EIF3K: variants seen among roughly 807,000 people sequenced by gnomAD.
EIF3K encodes the protein eukaryotic translation initiation factor 3 subunit K.
EIF3K carries 27 observed loss-of-function variants against 34.2 expected under a neutral mutation model. The ratio of observed to expected loss-of-function variants is 0.79; its 90% confidence interval spans 0.58 to 1.09. The LOEUF is 1.09. Ranked by LOEUF, EIF3K falls within the 50% of genes least tolerant of loss-of-function variation. EIF3K has a pLI of 0.00. For synonymous variants in EIF3K, 105 were observed against 105.7 expected (o/e 0.99, Z 0.04); for missense variants, 232 against 275.4 (o/e 0.84, Z 1.11).
intron 7 of EIF3K, among the ~76,000 whole-genome samples, chr19:38,636,457 T>G (rs1976194444): frequency 6.6e-6 from 1 of 152,162 alleles, no homozygotes; most frequent in Non-Finnish European, 1.5e-5. Flanking sequence ...CACTACAGCC[T>G]GGGCAACAGA....
chr19:38,630,355 T>TTATTTA (rs1407584925), intron 4 of EIF3K, among the ~76,000 whole-genome samples: 11 of 148,600 alleles, frequency 7.4e-5, no homozygotes, highest in African/African-American at 2.0e-4. Flanking sequence ...TTATTTTTTT[T>TTATTTA]TTTTTTTGAG....
Position 38,631,269 on chromosome 19 carries a change from C to T in EIF3K, c.355-1161C>T, listed in dbSNP as rs148256940. Among the ~76,000 whole-genome samples, 625 of 152,208 alleles carry T rather than the reference C, an allele frequency of 4.1e-3. 3 individuals are homozygous for T. The highest frequency in any genetic ancestry group is 0.014 in the African/African-American group (599 of 41,520). ...GGCCCAGGGGACCGCGTTCAGCACA[C>T]GGAGGATCCCACCGGCCTCTGAGTT... On this transcript the variant is annotated intron_variant, in intron 4 of 7. Transcript: ENST00000248342.
chr19:38,620,567 C>A, intron 2 of EIF3K, 132 bp downstream of exon 2: 1 of 803,090 alleles, frequency 1.2e-6, no homozygotes, highest in Non-Finnish European at 2.0e-6. Flanking sequence ...ACTAGGAAGC[C>A]AAGGAAGTTG....
At chr19:38,630,499 C>G (rs1161156639) in intron 4 of EIF3K, among the ~76,000 whole-genome samples, 1 of 151,880 alleles carries the variant, frequency 6.6e-6, no homozygotes, top group East Asian at 1.9e-4. Flanking sequence ...CACATGCCAC[C>G]ACACCTGGCT....
Position 38,632,453 on chromosome 19 carries a change from C to T in EIF3K, c.378C>T (p.Asp126=). The T allele has an allele frequency of 6.2e-7, 1 of 1,614,108 alleles. No individual in the cohort carries two copies. Among genetic ancestry groups the T allele is most frequent in the Middle Eastern group, 1.6e-4 (1 of 6,062 alleles). The change falls in exon 5 of 8, where the codon GAC becomes GAT. Residue 126 remains aspartate, a synonymous_variant. Transcript: ENST00000248342. ...AGCAAGCCCTGGATGAAAACATGGA[C>T]CTCTTGGAAGGTATAACTGGCTTTG... ...AFWQALDENM[D]LLEGITGFED... is the part of the protein sequence containing the mutation.
intron 2 of EIF3K, among the ~76,000 whole-genome samples, chr19:38,622,044 T>C (rs887908692): frequency 1.3e-5 from 2 of 151,340 alleles, no homozygotes; most frequent in African/African-American, 4.8e-5. Context: ...TAGCTGGGAC[T>C]ACAGGCATGC....
In EIF3K at chr19:38,621,709, A is replaced by G. The variant is rs187761441; in HGVS notation, c.158+1274A>G. Reference sequence around the variant, plus strand: ...ATACAGATGGAGTGCATACAGCACAAACTCTTCTGCATTTGCCATTTGCTA... The same window carrying G: ...ATACAGATGGAGTGCATACAGCACAGACTCTTCTGCATTTGCCATTTGCTA... On this transcript the variant is annotated intron_variant, in intron 2 of 7. Coordinates refer to ENST00000248342, the MANE Select transcript of EIF3K (RefSeq NM_013234.4). Among the ~76,000 whole-genome samples the G allele has an allele frequency of 6.3e-3, 960 of 152,302 alleles. 6 individuals carry two copies. Among genetic ancestry groups the G allele is most frequent in the Non-Finnish European group, 0.011 (763 of 68,030 alleles).
intron 2 of EIF3K, among the ~76,000 whole-genome samples, chr19:38,620,928 G>A (rs897895877): frequency 8.6e-5 from 13 of 151,814 alleles, no homozygotes; most frequent in South Asian, 2.1e-4. Context: ...TAGGGTGGCC[G>A]CAGGGGCTCA....
At chr19:38,619,391 C>A in intron 1 of EIF3K, 64 bp downstream of exon 1, 1 of 1,584,856 alleles carries the variant, frequency 6.3e-7, no homozygotes, top group Non-Finnish European at 8.6e-7. Context: ...TTTCCGGAGA[C>A]AGCAAGGGGT....
At chr19:38,623,972 C>T in intron 2 of EIF3K, 105 bp from the exon 3 acceptor site, 1 of 1,542,350 alleles carries the variant, frequency 6.5e-7, no homozygotes. Flanking sequence ...GGAACCCAGG[C>T]ATGTCCAATT....
chr19:38,625,506 T>G (rs1325258660), intron 3 of EIF3K, among the ~76,000 whole-genome samples: 1 of 149,556 alleles, frequency 6.7e-6, no homozygotes, highest in East Asian at 2.0e-4. Context: ...AGGGTTTTTT[T>G]GTTAATATTT....
intron 4 of EIF3K, among the ~76,000 whole-genome samples, chr19:38,627,143 C>T (rs541192813): frequency 3.2e-4 from 48 of 152,148 alleles, no homozygotes; most frequent in African/African-American, 7.5e-4. Context: ...TGTGCCATCA[C>T]GCTGGCTAAT....
chr19:38,635,207 A>T (rs1599741630), intron 7 of EIF3K, 89 bp downstream of exon 7: 1 of 1,573,818 alleles, frequency 6.4e-7, no homozygotes, highest in East Asian at 2.2e-5. Flanking sequence ...ACCTGGGTAG[A>T]TCTGCTCGTG....
At chr19:38,626,705 C>G (rs185560745) in intron 4 of EIF3K, among the ~76,000 whole-genome samples, 1,720 of 152,324 alleles carry the variant, frequency 0.011, 11 homozygotes, top group Non-Finnish European at 0.018. Flanking sequence ...CTAACTGGAA[C>G]CTGGCCCCCC....
intron 2 of EIF3K, among the ~76,000 whole-genome samples, chr19:38,623,865 G>A (rs1227969278): frequency 6.6e-6 from 1 of 152,178 alleles, no homozygotes; most frequent in African/African-American, 2.4e-5. Flanking sequence ...CTGCCCCATT[G>A]GGTAGTTGTG....
Position 38,632,503 on chromosome 19 carries a change from C to A in EIF3K, c.421+7C>A. The A allele has an allele frequency of 6.2e-7, 1 of 1,614,114 alleles. No individual in the cohort carries two copies. The highest frequency in any genetic ancestry group is 8.5e-7 in the Non-Finnish European group (1 of 1,179,970). ...GAAGACTCTGTCCGAAAGTGTAAGT[C>A]CCTCTCTGAGGCTGGGCTCCCCAAG... On this transcript the variant is annotated splice_region_variant and intron_variant, in intron 5 of 7. Transcript: ENST00000248342.
chr19:38,623,925 G>T, intron 2 of EIF3K, 152 bp from the exon 3 acceptor site: 6 of 1,215,052 alleles, frequency 4.9e-6, no homozygotes, highest in South Asian at 1.4e-5. Flanking sequence ...TCAGGGAGGT[G>T]AAGGTTACAC....
intron 4 of EIF3K, chr19:38,631,881 T>G (rs1022818405): frequency 1.8e-5 from 4 of 217,780 alleles, no homozygotes; most frequent in East Asian, 1.5e-4. Flanking sequence ...CCTTCAAGCA[T>G]CTGTTTAACA....
rs545291702 is a variant in EIF3K, at chr19:38,624,807, G to A, written c.279+610G>A. Reference sequence around the variant, plus strand: ...GGGGGAATATGTGGACATGAACACAGCCATCTGTATTTACATTCTATAGAA... The same window carrying A: ...GGGGGAATATGTGGACATGAACACAACCATCTGTATTTACATTCTATAGAA... On this transcript the variant is annotated intron_variant, in intron 3 of 7. Transcript: ENST00000248342. Among the ~76,000 whole-genome samples the A allele has an allele frequency of 6.6e-5, 10 of 152,212 alleles. 2 individuals are homozygous for A. The South Asian group carries it at 1.9e-3, about 28-fold the overall frequency.
Sources: gnomAD v4.1 joint callset for allele counts (sites outside exome capture counted in the v4.1 genomes callset) on GRCh38, gnomAD v4.1.1 for gene constraint, MANE v1.5 for transcripts, NCBI Gene and HGNC (gene_info 2026-07-23, HGNC 2026-07-21) for gene names.